EPSTI1: variants seen among roughly 807,000 people sequenced by gnomAD.
EPSTI1 encodes the protein epithelial stromal interaction 1.
Under a neutral mutation model 49.9 loss-of-function variants are expected in EPSTI1, and 66 were observed. The ratio of observed to expected loss-of-function variants is 1.32; its 90% CI spans 1.08 to 1.62. EPSTI1 has a LOEUF of 1.62. Among genes scored for constraint, EPSTI1 ranks in the 40% most tolerant of loss-of-function variants. The pLI, the probability that EPSTI1 is intolerant of heterozygous loss-of-function variation, is 0.00. For missense variants in EPSTI1, 394 were observed against 365.5 expected (o/e 1.08, Z -0.64); for synonymous variants, 137 against 130.7 (o/e 1.05, Z -0.33).
intron 6 of EPSTI1, among the ~76,000 whole-genome samples, chr13:42,952,456 A>G (rs1379319207): frequency 6.6e-6 from 1 of 152,182 alleles, no homozygotes; most frequent in Non-Finnish European, 1.5e-5. Context: ...CTGAGCCTCA[A>G]AATAAATTCT....
intron 5 of EPSTI1, among the ~76,000 whole-genome samples, chr13:42,961,966 C>G (rs2039465017): frequency 6.6e-6 from 1 of 152,168 alleles, no homozygotes; most frequent in African/African-American, 2.4e-5. Flanking sequence ...TATCACTTCC[C>G]TCGGCCATTT....
chr13:42,951,677 T>C (rs992365535), intron 6 of EPSTI1, among the ~76,000 whole-genome samples: 3 of 152,242 alleles, frequency 2.0e-5, no homozygotes, highest in Non-Finnish European at 4.4e-5. Flanking sequence ...GCTTCTAATG[T>C]CTTTTAAAAC....
At chr13:42,900,034 A>G (rs2037308753) in intron 9 of EPSTI1, among the ~76,000 whole-genome samples, 1 of 152,170 alleles carries the variant, frequency 6.6e-6, no homozygotes, top group Admixed American at 6.5e-5. Flanking sequence ...ATATACCTTA[A>G]TTGAACACAC....
At chr13:42,943,996 G>T (rs957213665) in intron 6 of EPSTI1, among the ~76,000 whole-genome samples, 2 of 152,104 alleles carry the variant, frequency 1.3e-5, no homozygotes, top group Non-Finnish European at 2.9e-5. Context: ...TTAGAATGGC[G>T]ATCATTAAAA....
At chr13:42,891,992 T>C (rs1365949477) in intron 10 of EPSTI1, among the ~76,000 whole-genome samples, 1 of 152,156 alleles carries the variant, frequency 6.6e-6, no homozygotes, top group African/African-American at 2.4e-5. Context: ...CAGCTTTAAC[T>C]AGGATGCCAA....
At position 42,894,997 on chromosome 13, in the gene EPSTI1, G is replaced by GA. The variant is rs557649386; in HGVS notation, c.915+11dup. Reference sequence around the variant, plus strand: ...CATTGAAAGATGATTTAAGAGAAAAGAAAAAACTCACCCAGCTGTTACCGC... The same window carrying GA: ...CATTGAAAGATGATTTAAGAGAAAAGAAAAAAACTCACCCAGCTGTTACCGC... On this transcript the variant is annotated intron_variant, in intron 10 of 10. Transcript: ENST00000313624. 399 of 1,595,966 alleles carry GA rather than the reference G, an allele frequency of 2.5e-4. 2 individuals are homozygous for GA. In the South Asian group the frequency reaches 3.8e-3, roughly 15 times the overall value.
intron 3 of EPSTI1, among the ~76,000 whole-genome samples, chr13:42,964,485 T>C (rs1317613054): frequency 6.6e-6 from 1 of 152,174 alleles, no homozygotes; most frequent in Non-Finnish European, 1.5e-5. Context: ...CTGTAGAATA[T>C]TCCTCCTGCT....
intron 6 of EPSTI1, among the ~76,000 whole-genome samples, chr13:42,932,538 T>A (rs1037370637): frequency 6.6e-6 from 1 of 151,920 alleles, no homozygotes; most frequent in African/African-American, 2.4e-5. Context: ...TCGATCTTTA[T>A]CCAAGAGTTA....
intron 9 of EPSTI1, 28 bp downstream of exon 9, chr13:42,900,282 G>A (rs774235178): frequency 1.3e-6 from 2 of 1,596,044 alleles, no homozygotes. Flanking sequence ...ATTTAACCAA[G>A]GATGCTTATT....
At chr13:42,987,735 A>G (rs940771022) in intron 1 of EPSTI1, among the ~76,000 whole-genome samples, 1 of 152,188 alleles carries the variant, frequency 6.6e-6, no homozygotes, top group Non-Finnish European at 1.5e-5. Flanking sequence ...TGTCTGTCCC[A>G]TCAATTAGAC....
rs2036921960 is a variant in EPSTI1, at chr13:42,888,317, A to G, written c.*177T>C. On this transcript the variant is annotated 3_prime_UTR_variant, in exon 11 of 11. Coordinates refer to ENST00000313624, the MANE Select transcript of EPSTI1 (RefSeq NM_033255.5). ...TATGAGTTCAGGAATCAGCTCCTCC[A>G]AACATGCATAAATGAGGACAAGGAG... 1.2e-6 allele frequency: 2 copies of G among 1,613,974 alleles called. No homozygotes were observed. The highest frequency in any genetic ancestry group is 2.7e-5 in the African/African-American group (2 of 74,902).
At chr13:42,907,846 G>C (rs2037540630) in intron 8 of EPSTI1, among the ~76,000 whole-genome samples, 1 of 152,128 alleles carries the variant, frequency 6.6e-6, no homozygotes. Flanking sequence ...AGCCATCTCT[G>C]CTTTATTCGA....
intron 1 of EPSTI1, among the ~76,000 whole-genome samples, chr13:42,972,956 A>C (rs2039801121): frequency 6.6e-6 from 1 of 152,208 alleles, no homozygotes; most frequent in South Asian, 2.1e-4. Flanking sequence ...GTGGAGATTC[A>C]TAGAGACCTC....
intron 1 of EPSTI1, among the ~76,000 whole-genome samples, chr13:42,985,896 T>G (rs1214610809): frequency 6.6e-6 from 1 of 152,192 alleles, no homozygotes; most frequent in Admixed American, 6.5e-5. Context: ...ATGAATCCCC[T>G]TAAAAACCCT....
At chr13:42,889,244 T>C in intron 10 of EPSTI1, 12 of 1,537,448 alleles carry the variant, frequency 7.8e-6, no homozygotes, top group African/African-American at 1.4e-5. Flanking sequence ...TAGAGAACCC[T>C]AGAAAAATAA....
At chr13:42,924,282 C>A (rs77104425) in intron 7 of EPSTI1, among the ~76,000 whole-genome samples, 1 of 152,154 alleles carries the variant, frequency 6.6e-6, no homozygotes, top group Admixed American at 6.5e-5. Flanking sequence ...TATAAGGAAC[C>A]GTCCTGGGTC....
chr13:42,924,543 G>A (rs1360191881), intron 7 of EPSTI1, among the ~76,000 whole-genome samples: 4 of 152,158 alleles, frequency 2.6e-5, no homozygotes, highest in Non-Finnish European at 5.9e-5. Flanking sequence ...CCTGGTAGGC[G>A]AAACTCCAGC....
intron 8 of EPSTI1, among the ~76,000 whole-genome samples, chr13:42,903,560 T>G (rs555663207): frequency 9.0e-4 from 137 of 152,214 alleles, no homozygotes; most frequent in African/African-American, 3.2e-3. Context: ...AGCTTAAAAG[T>G]TGAAGAAAAT....
At position 42,936,983 on chromosome 13, in the gene EPSTI1, T is replaced by G. The variant is rs187359049; in HGVS notation, c.564-10554A>C. On this transcript the variant is annotated intron_variant, in intron 6 of 10. Coordinates refer to ENST00000313624, the MANE Select transcript of EPSTI1 (RefSeq NM_033255.5). Reference sequence around the variant, plus strand: ...TCCTTCTTCATCCCCAATATCAATATGTCCTATTGAACTTACATACAATAT... The same window carrying G: ...TCCTTCTTCATCCCCAATATCAATAGGTCCTATTGAACTTACATACAATAT... 2.0e-5 allele frequency among the ~76,000 whole-genome samples: 3 copies of G among 152,334 alleles called. No individual in the cohort carries two copies. In the East Asian group the frequency reaches 5.8e-4, roughly 29 times the overall value.
Sources: gnomAD v4.1 joint callset for allele counts (sites outside exome capture counted in the v4.1 genomes callset) on GRCh38, gnomAD v4.1.1 for gene constraint, MANE v1.5 for transcripts, NCBI Gene and HGNC (gene_info 2026-07-23, HGNC 2026-07-21) for gene names.